PCSK6: variants seen among roughly 807,000 people sequenced by gnomAD.
PCSK6 encodes the protein proprotein convertase subtilisin/kexin type 6, also known as paired basic amino acid cleaving enzyme 4.
In PCSK6, 85 loss-of-function variants were observed where a neutral mutation model predicts 123.3. The ratio of observed to expected loss-of-function variants is 0.69; its 90% CI spans 0.58 to 0.83. PCSK6 has a LOEUF of 0.83. Among genes scored for constraint, PCSK6 ranks in the 40% least tolerant of loss-of-function variants. The pLI is 0.00. For missense variants in PCSK6, 1,191 were observed against 1,282.3 expected, an observed-to-expected ratio of 0.93 and a Z score of 1.09; for synonymous variants, 508 against 516.0, an observed-to-expected ratio of 0.98 and a Z score of 0.21.
At chr15:101,403,843 C>A (rs2042686899) in intron 6 of PCSK6, among the ~76,000 whole-genome samples, 1 of 152,158 alleles carries the variant, frequency 6.6e-6, no homozygotes, top group Non-Finnish European at 1.5e-5. Context: ...CCTCAGCCAA[C>A]CAAGTAGCTG....
At chr15:101,328,201 T>G (rs532765714) in intron 15 of PCSK6, among the ~76,000 whole-genome samples, 2 of 152,314 alleles carry the variant, frequency 1.3e-5, no homozygotes, top group South Asian at 4.1e-4. Context: ...CGTGGTGACT[T>G]GAGGACTTCT....
intron 13 of PCSK6, among the ~76,000 whole-genome samples, chr15:101,354,932 C>T (rs1228597253): frequency 6.6e-6 from 1 of 152,248 alleles, no homozygotes; most frequent in Non-Finnish European, 1.5e-5. Context: ...TTATTATCAT[C>T]TACCCTGATT....
At chr15:101,345,828 C>A (rs528490884) in intron 13 of PCSK6, among the ~76,000 whole-genome samples, 21 of 152,252 alleles carry the variant, frequency 1.4e-4, no homozygotes, top group African/African-American at 5.1e-4. Context: ...CCACCATGAC[C>A]GGCTAATTTT....
chr15:101,465,279 C>T (rs904586008), intron 1 of PCSK6, among the ~76,000 whole-genome samples: 1 of 151,698 alleles, frequency 6.6e-6, no homozygotes, highest in Admixed American at 6.6e-5. Context: ...ACGCTGACCT[C>T]CCACTGGCTA....
At chr15:101,375,959 G>A (rs562631959) in intron 11 of PCSK6, among the ~76,000 whole-genome samples, 24 of 152,296 alleles carry the variant, frequency 1.6e-4, no homozygotes, top group Non-Finnish European at 3.2e-4. Flanking sequence ...GCTTGAACCT[G>A]GGAGGTGGAG....
chr15:101,432,776 G>A (rs1184758948), intron 2 of PCSK6, among the ~76,000 whole-genome samples: 1 of 152,192 alleles, frequency 6.6e-6, no homozygotes, highest in Non-Finnish European at 1.5e-5. Context: ...ATACACACAT[G>A]GGAAAGCAGT....
chr15:101,330,584 C>A (rs931301877), intron 15 of PCSK6, among the ~76,000 whole-genome samples: 3 of 152,234 alleles, frequency 2.0e-5, no homozygotes. Context: ...TCCCACTCAC[C>A]CCTGAGACTT....
intron 6 of PCSK6, among the ~76,000 whole-genome samples, chr15:101,427,227 G>A (rs543453637): frequency 6.6e-5 from 10 of 152,318 alleles, no homozygotes; most frequent in Admixed American, 3.9e-4. Context: ...CTGCTGCTCC[G>A]TAAAGGGACC....
At chr15:101,393,607 C>T (rs1319429735) in intron 7 of PCSK6, among the ~76,000 whole-genome samples, 183 bp from the exon 8 acceptor site, 5 of 152,270 alleles carry the variant, frequency 3.3e-5, no homozygotes. Flanking sequence ...TAATGGTGTG[C>T]CTTTGCCTGT....
At chr15:101,453,292 T>C (rs1288614163) in intron 1 of PCSK6, among the ~76,000 whole-genome samples, 2 of 152,182 alleles carry the variant, frequency 1.3e-5, no homozygotes, top group African/African-American at 4.8e-5. Context: ...CTGCCCCATG[T>C]GCCCAGGGCC....
At chr15:101,330,299 C>A (rs1294052778) in intron 15 of PCSK6, among the ~76,000 whole-genome samples, 1 of 152,218 alleles carries the variant, frequency 6.6e-6, no homozygotes, top group East Asian at 1.9e-4. Context: ...CTTCCCTCGT[C>A]CCCCTCGCTC....
At chr15:101,369,175 C>T (rs1460492485) in intron 12 of PCSK6, among the ~76,000 whole-genome samples, 1 of 152,240 alleles carries the variant, frequency 6.6e-6, no homozygotes, top group African/African-American at 2.4e-5. Context: ...GCAGAGAGAC[C>T]AGGCTGCTGG....
In PCSK6 at chr15:101,464,088, C is replaced by A. The variant is rs113586793; in HGVS notation, c.298-20428G>T. 8.6e-3 allele frequency among the ~76,000 whole-genome samples: 1,305 copies of A among 152,256 alleles called. 16 individuals are homozygous for A. Among genetic ancestry groups the A allele is most frequent in the African/African-American group, 0.027 (1,102 of 41,554 alleles). On this transcript the variant is annotated intron_variant, in intron 1 of 21. Coordinates refer to ENST00000611716, the MANE Select transcript of PCSK6 (RefSeq NM_002570.5). The stretch of plus-strand genomic sequence containing the variant: ...TTGGCAGCGAACTCTCACCCACCAT[C>A]TGCAGAGACAACTCTCCCAACACGT...
chr15:101,325,316 T>G (rs1333741364), intron 16 of PCSK6, among the ~76,000 whole-genome samples: 1 of 152,036 alleles, frequency 6.6e-6, no homozygotes, highest in African/African-American at 2.4e-5. Flanking sequence ...CATCGTGAGG[T>G]TCGTATTTGA....
chr15:101,318,023 T>A (rs2040031949), intron 19 of PCSK6, among the ~76,000 whole-genome samples: 1 of 152,202 alleles, frequency 6.6e-6, no homozygotes, highest in African/African-American at 2.4e-5. Context: ...CAGCCATTTT[T>A]AAGTACACAG....
intron 6 of PCSK6, among the ~76,000 whole-genome samples, chr15:101,413,841 AAG>A (rs71154327): frequency 0.1 from 15,274 of 152,208 alleles, 855 homozygotes; most frequent in East Asian, 0.17. Flanking sequence ...TAAAAGAAAA[AAG>A]AGGCAATTTC....
In PCSK6 at chr15:101,318,433, G is replaced by C. The variant is rs1039081009; in HGVS notation, c.2466-11C>G. ...CTGCCCCGTGCAAGGCTGTTGAAAA[G>C]AAAGAGGCAGATTTCCACATCCATT... is the stretch of plus-strand genomic sequence containing the variant. On this transcript the variant is annotated splice_polypyrimidine_tract_variant and intron_variant, in intron 18 of 21. Coordinates refer to ENST00000611716, the MANE Select transcript of PCSK6 (RefSeq NM_002570.5). The C allele has an allele frequency of 2.6e-6, 4 of 1,548,112 alleles. No homozygotes were observed. The highest frequency in any genetic ancestry group is 3.5e-6 in the Non-Finnish European group (4 of 1,143,530).
At chr15:101,485,897 G>A (rs1046396808) in intron 1 of PCSK6, among the ~76,000 whole-genome samples, 1 of 151,782 alleles carries the variant, frequency 6.6e-6, no homozygotes, top group African/African-American at 2.4e-5. Flanking sequence ...ATTAAATTGG[G>A]GCAACTATGA....
At chr15:101,445,880 A>T (rs1208561487) in intron 1 of PCSK6, among the ~76,000 whole-genome samples, 1 of 152,202 alleles carries the variant, frequency 6.6e-6, no homozygotes, top group Non-Finnish European at 1.5e-5. Context: ...TCAGGGCAGC[A>T]CCTGGCCTTT....
Sources: allele counts gnomAD v4.1 joint callset (sites outside exome capture counted in the v4.1 genomes callset), GRCh38; gene constraint gnomAD v4.1.1; transcripts MANE v1.5; gene names NCBI Gene and HGNC (gene_info 2026-07-23, HGNC 2026-07-21).